Variants in VCF1 observed in about 807,000 individuals in gnomAD.
VCF1 encodes VCP nuclear cofactor family member 1, also known as protein VCF1.
chr17:73,231,739 C>A, the VCF1 span, among the ~76,000 whole-genome samples: 4 of 152,118 alleles, frequency 2.6e-5, no homozygotes, highest in African/African-American at 9.7e-5. Context: ...CAAGATGAGA[C>A]GTTTATCCCA....
the VCF1 span, among the ~76,000 whole-genome samples, chr17:73,223,232 G>A: frequency 2.6e-5 from 4 of 152,086 alleles, no homozygotes; most frequent in South Asian, 2.1e-4. Flanking sequence ...CAGGATAATC[G>A]CTTGAATCCA....
At chr17:73,213,617 T>G in the VCF1 span, among the ~76,000 whole-genome samples, 1 of 152,150 alleles carries the variant, frequency 6.6e-6, no homozygotes, top group Non-Finnish European at 1.5e-5. Flanking sequence ...TTTTCTCAAG[T>G]GTCTATCAAA....
chr17:73,222,776 CA>C, the VCF1 span, among the ~76,000 whole-genome samples: 68,065 of 117,610 alleles, frequency 0.58, 16,492 homozygotes, highest in East Asian at 0.66. Context: ...AACTCTGTCT[CA>C]AAAAAAAAAA....
chr17:73,217,601 G>A, the VCF1 span, among the ~76,000 whole-genome samples: 1 of 152,086 alleles, frequency 6.6e-6, no homozygotes, highest in East Asian at 1.9e-4. Flanking sequence ...AGTGAGCTGA[G>A]ATCGTGCCAT....
the VCF1 span, among the ~76,000 whole-genome samples, chr17:73,230,806 G>A: frequency 6.6e-6 from 1 of 152,176 alleles, no homozygotes; most frequent in Non-Finnish European, 1.5e-5. Flanking sequence ...TTTAAAACAT[G>A]TTGAGATTAT....
At chr17:73,210,491 GT>G in the VCF1 span, among the ~76,000 whole-genome samples, 97 of 125,526 alleles carry the variant, frequency 7.7e-4, no homozygotes, top group Admixed American at 7.0e-3. Flanking sequence ...TGCAGTTCAT[GT>G]TTTAAAAAAA....
At chr17:73,216,109 G>A in the VCF1 span, among the ~76,000 whole-genome samples, 67,517 of 151,792 alleles carry the variant, frequency 0.44, 16,041 homozygotes, top group East Asian at 0.6. Flanking sequence ...GGGGATCCTA[G>A]GAATCTGTGG....
the VCF1 span, chr17:73,209,544 C>T: frequency 6.3e-7 from 1 of 1,585,714 alleles, no homozygotes; most frequent in Non-Finnish European, 8.6e-7. Flanking sequence ...TCAGAGGCCG[C>T]CCTCGGTGCT....
chr17:73,210,632 T>C, the VCF1 span, among the ~76,000 whole-genome samples: 2 of 152,146 alleles, frequency 1.3e-5, no homozygotes, highest in Admixed American at 1.3e-4. Flanking sequence ...GGTCTCACTC[T>C]GTTACGCAGG....
At chr17:73,211,973 G>A in the VCF1 span, among the ~76,000 whole-genome samples, 1 of 152,190 alleles carries the variant, frequency 6.6e-6, no homozygotes, top group African/African-American at 2.4e-5. Flanking sequence ...CGAGGTGGCA[G>A]TGAGCCAAGA....
chr17:73,228,349 A>G, the VCF1 span, among the ~76,000 whole-genome samples: 10 of 152,242 alleles, frequency 6.6e-5, no homozygotes, highest in African/African-American at 2.4e-4. Context: ...AGTGTCTTCT[A>G]AATAATTATA....
At chr17:73,217,127 C>T in the VCF1 span, among the ~76,000 whole-genome samples, 4 of 151,864 alleles carry the variant, frequency 2.6e-5, no homozygotes, top group South Asian at 4.2e-4. Flanking sequence ...GCCAGGAGTT[C>T]GAGACCAGCC....
the VCF1 span, among the ~76,000 whole-genome samples, chr17:73,213,354 A>G: frequency 2.0e-5 from 3 of 152,230 alleles, no homozygotes; most frequent in African/African-American, 7.2e-5. Context: ...ATTAATATAC[A>G]TATATGATGA....
chr17:73,220,233 C>A, the VCF1 span, among the ~76,000 whole-genome samples: 87 of 152,132 alleles, frequency 5.7e-4, no homozygotes, highest in Admixed American at 1.4e-3. Context: ...AAAAAATCAC[C>A]CAACACTCAG....
chr17:73,215,348 T>C, the VCF1 span, among the ~76,000 whole-genome samples: 1 of 152,206 alleles, frequency 6.6e-6, no homozygotes, highest in African/African-American at 2.4e-5. Context: ...AGTGGCATGA[T>C]TACAACTCAC....
the VCF1 span, among the ~76,000 whole-genome samples, chr17:73,219,843 TGC>T: frequency 1.3e-5 from 2 of 151,438 alleles, no homozygotes. Flanking sequence ...GGCATGGCAG[TGC>T]GCGCCTGTAG....
the VCF1 span, chr17:73,227,093 A>C: frequency 1.8e-6 from 2 of 1,103,754 alleles, no homozygotes; most frequent in Non-Finnish European, 2.6e-6. Context: ...AAGTAAATTT[A>C]ATTACACAGC....
At chr17:73,231,330 G>T in the VCF1 span, among the ~76,000 whole-genome samples, 1 of 152,168 alleles carries the variant, frequency 6.6e-6, no homozygotes, top group Admixed American at 6.5e-5. Context: ...GAAATTAAGA[G>T]AGAGAAAAAA....
chr17:73,207,511 A>G, the VCF1 span: 2 of 604,218 alleles, frequency 3.3e-6, no homozygotes, highest in Non-Finnish European at 5.8e-6. Flanking sequence ...CAGGGTGGAG[A>G]TGAGCTCTTG....
Sources: gnomAD v4.1 joint callset for allele counts (sites outside exome capture counted in the v4.1 genomes callset) on GRCh38, gnomAD v4.1.1 for gene constraint, MANE v1.5 for transcripts, NCBI Gene and HGNC (gene_info 2026-07-23, HGNC 2026-07-21) for gene names.